The following RBP2 variants were observed in gnomAD, a reference collection of about 807,000 sequenced individuals.
RBP2 encodes retinol-binding protein 2.
A neutral mutation model predicts 17.0 loss-of-function variants in RBP2; 17 were observed. The ratio of observed to expected loss-of-function variants is 1.00; its 90% CI spans 0.68 to 1.50. The LOEUF (loss-of-function observed/expected upper bound fraction) is 1.50. Ranked by LOEUF, RBP2 falls within the 40% of genes most tolerant of loss-of-function variation. The pLI is 0.00. For missense variants in RBP2, 158 were observed against 168.2 expected (o/e 0.94, Z 0.33); for synonymous variants, 48 against 57.1 (o/e 0.84, Z 0.72).
intron 1 of RBP2, among the ~76,000 whole-genome samples, chr3:139,472,233 T>C (rs1344437552): frequency 6.6e-6 from 1 of 152,218 alleles, no homozygotes; most frequent in Non-Finnish European, 1.5e-5. Context: ...GTTCTATTGA[T>C]ACCCATAGCC....
intron 2 of RBP2, among the ~76,000 whole-genome samples, chr3:139,456,404 T>C (rs1182942629): frequency 6.6e-6 from 1 of 152,222 alleles, no homozygotes; most frequent in African/African-American, 2.4e-5. Context: ...TTCCTTCTCA[T>C]TTTACTCCCC....
rs532077222 is a variant in RBP2 at position 139,453,166 on chromosome 3, C to T, written c.355G>A (p.Glu119Lys). The change falls in exon 4 of 4, where the codon GAG (glutamate) becomes AAG (lysine). Residue 119 changes from glutamate (E) to lysine (K), a missense_variant and splice_region_variant. By Grantham distance (56) the Glu-to-Lys change is moderately conservative (BLOSUM62 1). Coordinates refer to ENST00000232217, the MANE Select transcript of RBP2 (RefSeq NM_004164.3). ...QWIEGDKLYL[E>K]LTCGDQVCRQ... ...CACACCTGGTCACCACAGGTCAGCTCCTGCAACGTCAGAAAGTGGGTGAGG... is the reference window on the plus strand; with the variant it reads ...CACACCTGGTCACCACAGGTCAGCTTCTGCAACGTCAGAAAGTGGGTGAGG... 1.9e-6 allele frequency: 3 copies of T among 1,614,152 alleles called. No individual in the cohort carries two copies. The highest frequency in any genetic ancestry group is 1.1e-5 in the South Asian group (1 of 91,082).
chr3:139,465,923 G>A (rs1360511996), intron 1 of RBP2, among the ~76,000 whole-genome samples: 1 of 152,154 alleles, frequency 6.6e-6, no homozygotes, highest in Admixed American at 6.5e-5. Context: ...GGTGTGGGGA[G>A]AGACGAACGG....
intron 2 of RBP2, among the ~76,000 whole-genome samples, chr3:139,458,845 T>A (rs1933077371): frequency 6.6e-6 from 1 of 152,204 alleles, no homozygotes; most frequent in African/African-American, 2.4e-5. Flanking sequence ...TTGCTTATTT[T>A]TAATTTTATT....
At position 139,460,347 on chromosome 3, in the gene RBP2, A is replaced by G. The variant is rs147970470; in HGVS notation, c.252+1765T>C. Among the ~76,000 whole-genome samples, 14 of 152,294 alleles carry G rather than the reference A, an allele frequency of 9.2e-5. No homozygotes were observed. The East Asian group carries it at 2.3e-3, about 25-fold the overall frequency. On this transcript the variant is annotated intron_variant, in intron 2 of 3. Coordinates refer to ENST00000232217, the MANE Select transcript of RBP2 (RefSeq NM_004164.3). ...CCAGGGCCCAGAATCATAAGTTCTCATGCCAAGAGTGCTCTGGTGGAAAAA... is the reference window on the plus strand; with the variant it reads ...CCAGGGCCCAGAATCATAAGTTCTCGTGCCAAGAGTGCTCTGGTGGAAAAA...
At chr3:139,462,054 AAATAGCCAGCCCCTGGCACAGAATGTGTG>A (rs1281538131) in intron 2 of RBP2, 29 bp downstream of exon 2, 1 of 1,552,918 alleles carries the variant, frequency 6.4e-7, no homozygotes, top group Non-Finnish European at 8.7e-7. Flanking sequence ...TCATGATACC[AAATAGCCAGCCCCTGGCACAGAATGTGTG>A]AATGAAAAAC....
chr3:139,461,545 T>C (rs904199574), intron 2 of RBP2, among the ~76,000 whole-genome samples: 16 of 152,324 alleles, frequency 1.1e-4, no homozygotes, highest in African/African-American at 3.8e-4. Context: ...CTGATTTTTT[T>C]TTTTGTTTAA....
At chr3:139,474,028 C>A (rs993515134) in intron 1 of RBP2, among the ~76,000 whole-genome samples, 2 of 152,132 alleles carry the variant, frequency 1.3e-5, no homozygotes, top group African/African-American at 4.8e-5. Context: ...CTCTACACTG[C>A]GGAGATCATG....
chr3:139,454,581 T>A (rs147857552), intron 3 of RBP2, 148 bp downstream of exon 3: 7 of 659,004 alleles, frequency 1.1e-5, no homozygotes, highest in Non-Finnish European at 1.9e-5. Flanking sequence ...CAGATGGGAA[T>A]GGCTTTCTGA....
intron 1 of RBP2, chr3:139,466,861 C>G (rs900805419): frequency 6.6e-6 from 1 of 152,256 alleles, no homozygotes; most frequent in Non-Finnish European, 1.5e-5. Flanking sequence ...CTCTGAATCC[C>G]TGTCACTCTT....
At chr3:139,470,994 C>G (rs1349973553) in intron 1 of RBP2, among the ~76,000 whole-genome samples, 2 of 152,120 alleles carry the variant, frequency 1.3e-5, no homozygotes, top group South Asian at 2.1e-4. Flanking sequence ...CTCAAACCTT[C>G]CCTGACCACC....
intron 1 of RBP2, among the ~76,000 whole-genome samples, 185 bp downstream of exon 1, chr3:139,476,202 C>T (rs1226537598): frequency 2.0e-5 from 3 of 152,032 alleles, no homozygotes; most frequent in African/African-American, 7.3e-5. Context: ...ATCATTATTC[C>T]CAGTTTCCAG....
intron 2 of RBP2, among the ~76,000 whole-genome samples, chr3:139,458,192 CT>C (rs5852944): frequency 6.4e-4 from 95 of 148,398 alleles, no homozygotes; most frequent in Non-Finnish European, 7.9e-4. Context: ...CTCGCCAACA[CT>C]TTTTTTTTTT....
At chr3:139,473,504 G>A (rs1010440659) in intron 1 of RBP2, among the ~76,000 whole-genome samples, 2 of 152,168 alleles carry the variant, frequency 1.3e-5, no homozygotes, top group East Asian at 3.9e-4. Context: ...TAGGGAATAG[G>A]CACCATCCTT....
At chr3:139,463,681 G>C (rs961881550) in intron 1 of RBP2, among the ~76,000 whole-genome samples, 1 of 152,196 alleles carries the variant, frequency 6.6e-6, no homozygotes, top group African/African-American at 2.4e-5. Flanking sequence ...GATCTAGAAA[G>C]AGAGGATAGT....
rs57107462 is a variant in RBP2, at chr3:139,459,400, A to ATGTGTGTGTGTGTGTGTGTG, written c.252+2692_252+2711dup. ...GTGAAACCCTGTTTCTACTATATAT[A>ATGTGTGTGTGTGTGTGTGTG]TGTGTGTGTGTGTGTGTGTGTGTGT... On this transcript the variant is annotated intron_variant, in intron 2 of 3. Transcript: ENST00000232217. 4.3e-3 allele frequency among the ~76,000 whole-genome samples: 549 copies of ATGTGTGTGTGTGTGTGTGTG among 128,540 alleles called. 4 individuals are homozygous for ATGTGTGTGTGTGTGTGTGTG. Among genetic ancestry groups the ATGTGTGTGTGTGTGTGTGTG allele is most frequent in the African/African-American group, 0.013 (451 of 34,042 alleles). 84.3% of individuals were successfully genotyped at this position (128,540 alleles called of 152,430 possible).
intron 2 of RBP2, among the ~76,000 whole-genome samples, chr3:139,457,891 T>C (rs1419286334): frequency 6.6e-6 from 1 of 152,224 alleles, no homozygotes; most frequent in Non-Finnish European, 1.5e-5. Flanking sequence ...AAGCTAACAT[T>C]GCTTAAAACA....
At chr3:139,475,152 C>T (rs1041718874) in intron 1 of RBP2, among the ~76,000 whole-genome samples, 2 of 151,760 alleles carry the variant, frequency 1.3e-5, no homozygotes, top group Non-Finnish European at 2.9e-5. Context: ...AAATCCGTCT[C>T]TATTAAAAAT....
At chr3:139,472,120 T>C (rs143275353) in intron 1 of RBP2, among the ~76,000 whole-genome samples, 41 of 152,326 alleles carry the variant, frequency 2.7e-4, no homozygotes, top group African/African-American at 9.4e-4. Context: ...GGAGAACTCC[T>C]GTTCTTCCTT....
Sources: allele counts gnomAD v4.1 joint callset (sites outside exome capture counted in the v4.1 genomes callset), GRCh38; gene constraint gnomAD v4.1.1; transcripts MANE v1.5; gene names NCBI Gene and HGNC (gene_info 2026-07-23, HGNC 2026-07-21).